Variants in PTPRN2 observed in about 807,000 individuals in gnomAD.
The protein encoded by PTPRN2 is protein tyrosine phosphatase receptor type N2.
A neutral mutation model predicts 118.8 loss-of-function variants in PTPRN2; 74 were observed. That is an observed-to-expected ratio of 0.62 (90% confidence interval 0.52 to 0.76). The LOEUF is 0.76. Among genes scored for constraint, PTPRN2 ranks in the 30% least tolerant of loss-of-function variants. The pLI is 0.00. For synonymous variants in PTPRN2, 641 were observed against 608.0 expected (o/e 1.05, Z -0.80); for missense variants, 1,481 against 1,394.4 (o/e 1.06, Z -0.99).
chr7:157,830,359 A>T (rs1239402093), intron 12 of PTPRN2, among the ~76,000 whole-genome samples: 1 of 152,224 alleles, frequency 6.6e-6, no homozygotes, highest in Non-Finnish European at 1.5e-5. Flanking sequence ...CAAATCAACG[A>T]TGAATTACCA....
In PTPRN2 at chr7:157,929,487, C is replaced by G. The variant is rs1799238108; in HGVS notation, c.1724-30750G>C. Among the ~76,000 whole-genome samples, 1 of 152,104 alleles carries G rather than the reference C, an allele frequency of 6.6e-6. No individual in the cohort carries two copies. Among genetic ancestry groups the G allele is most frequent in the Non-Finnish European group, 1.5e-5 (1 of 68,006 alleles). On this transcript the variant is annotated intron_variant, in intron 11 of 22. Transcript: ENST00000389418. This position sits in a 1 kb window ranked among gnomAD's most constrained non-coding sequence, Gnocchi z 4.4. Reference sequence around the variant, plus strand: ...CCATGCTTAAGCTCAGACGCCCACCCAGCACAGCCTCCGCCGCAGCCTGGC... The same window carrying G: ...CCATGCTTAAGCTCAGACGCCCACCGAGCACAGCCTCCGCCGCAGCCTGGC...
At chr7:158,316,188 A>G (rs1397590875) in intron 3 of PTPRN2, among the ~76,000 whole-genome samples, 2 of 152,094 alleles carry the variant, frequency 1.3e-5, no homozygotes, top group Admixed American at 6.5e-5. Flanking sequence ...CTTACTCCAG[A>G]TGTGGATTTC....
intron 3 of PTPRN2, among the ~76,000 whole-genome samples, chr7:158,223,152 T>C (rs1341797168): frequency 1.3e-5 from 2 of 152,198 alleles, no homozygotes; most frequent in South Asian, 2.1e-4. Flanking sequence ...TGAATACTTC[T>C]ACACTATTAA....
At chr7:158,469,877 A>G (rs781081633) in intron 2 of PTPRN2, among the ~76,000 whole-genome samples, 1 of 151,428 alleles carries the variant, frequency 6.6e-6, no homozygotes, top group South Asian at 2.1e-4. Context: ...GTCCTAGTGC[A>G]TCATAAAAGA....
chr7:158,342,609 A>T (rs918971197), intron 2 of PTPRN2, among the ~76,000 whole-genome samples: 6 of 152,156 alleles, frequency 3.9e-5, no homozygotes, highest in Non-Finnish European at 8.8e-5. Flanking sequence ...TCACCATAAG[A>T]GCTGACATCT....
At chr7:158,181,105 G>A (rs1824666258) in intron 5 of PTPRN2, among the ~76,000 whole-genome samples, 1 of 152,104 alleles carries the variant, frequency 6.6e-6, no homozygotes, top group Non-Finnish European at 1.5e-5. Flanking sequence ...TTATTTTGAG[G>A]TAAGTCCCTT....
chr7:158,007,725 A>G (rs1324443349), intron 11 of PTPRN2, among the ~76,000 whole-genome samples: 2 of 151,970 alleles, frequency 1.3e-5, no homozygotes, highest in African/African-American at 2.4e-5. Flanking sequence ...GGGTGTGTGC[A>G]TTGCATGTGT....
chr7:157,546,266 G>T (rs1041811954), intron 22 of PTPRN2, among the ~76,000 whole-genome samples: 2 of 152,152 alleles, frequency 1.3e-5, no homozygotes, highest in African/African-American at 4.8e-5. Flanking sequence ...TTATCATCTT[G>T]CTATTTATTT....
At chr7:158,051,438 C>G (rs73745099) in intron 11 of PTPRN2, among the ~76,000 whole-genome samples, 4,076 of 152,322 alleles carry the variant, frequency 0.027, 189 homozygotes, top group African/African-American at 0.093. Flanking sequence ...CCAAGTCTGT[C>G]TGCCAGCAGC....
chr7:158,339,828 C>T (rs1430583256), intron 2 of PTPRN2, among the ~76,000 whole-genome samples: 1 of 99,476 alleles, frequency 1.0e-5, no homozygotes, highest in Non-Finnish European at 2.1e-5. Flanking sequence ...CTCACACCCA[C>T]ACTCTCACCA....
At position 157,598,324 on chromosome 7, in the gene PTPRN2, C is replaced by A. The variant is rs1406179690; in HGVS notation, c.2419-3009G>T. ...TTTATTTGTATGACTGTTATGTTCC[C>A]GACACAAACTGCCCGGCTGTGGGAA... is the stretch of plus-strand genomic sequence containing the variant. On this transcript the variant is annotated intron_variant, in intron 16 of 22. Transcript: ENST00000389418. The surrounding 1 kb of genome is among the most constrained non-coding windows in gnomAD (Gnocchi z 5.2). Among the ~76,000 whole-genome samples the A allele has an allele frequency of 6.6e-6, 1 of 152,174 alleles. No individual in the cohort carries two copies. Among genetic ancestry groups the A allele is most frequent in the Non-Finnish European group, 1.5e-5 (1 of 68,044 alleles).
At position 157,560,834 on chromosome 7, in the gene PTPRN2, T is replaced by A. The variant is rs1017320592; in HGVS notation, c.2902+8068A>T. Among the ~76,000 whole-genome samples the A allele has an allele frequency of 4.1e-4, 62 of 152,158 alleles. No individual in the cohort carries two copies. The highest frequency in any genetic ancestry group is 4.1e-3 in the Admixed American group (62 of 15,288). ...AGGTCCCTTTCCCACTGGCCCTTCG[T>A]GTTTTCATGTTTCAGCCAAACATAA... On this transcript the variant is annotated intron_variant, in intron 21 of 22. Transcript: ENST00000389418. The surrounding 1 kb of genome is among the most constrained non-coding windows in gnomAD (Gnocchi z 6.7).
At position 158,192,327 on chromosome 7, in the gene PTPRN2, C is replaced by T. The variant is rs761028414; in HGVS notation, c.549G>A (p.Glu183=). Residue 183 remains glutamate (E), a splice_region_variant and synonymous_variant, in exon 5 of 23, where the codon GAG becomes GAA. Transcript: ENST00000389418. The part of the protein sequence containing the change: ...THTAQDRPPA[E]GDDRFSESIL... ...CCCGGGGAGGAAGTGGAAGGGTCACCTCAGCGGGGGGTCTGTCCTGCGCCG... is the reference window on the plus strand; with the variant it reads ...CCCGGGGAGGAAGTGGAAGGGTCACTTCAGCGGGGGGTCTGTCCTGCGCCG... The T allele has an allele frequency of 5.4e-6, 8 of 1,470,226 alleles. No homozygotes were observed. The highest frequency in any genetic ancestry group is 2.9e-5 in the Admixed American group (1 of 34,132). The allele number at this position is 1,470,226 out of a possible 1,614,324, so 91.1% of individuals were successfully genotyped here.
At chr7:158,244,544 GTTTT>G (rs139259232) in intron 3 of PTPRN2, among the ~76,000 whole-genome samples, 2 of 64,542 alleles carry the variant, frequency 3.1e-5, no homozygotes, top group African/African-American at 1.9e-4. Flanking sequence ...GAATGAGCAT[GTTTT>G]TTGTGTGTGT....
rs115250496 is a variant in PTPRN2 at position 158,275,014 on chromosome 7, C to T, written c.277+41805G>A. Among the ~76,000 whole-genome samples the T allele has an allele frequency of 3.2e-3, 489 of 152,326 alleles. 4 individuals are homozygous for T. Among genetic ancestry groups the T allele is most frequent in the African/African-American group, 0.011 (475 of 41,568 alleles). ...TCCTGTCTCCCCCCAAAATAGGGAGCACTTTCTGATTGTGGGGTTCAAAAA... is the reference window on the plus strand; with the variant it reads ...TCCTGTCTCCCCCCAAAATAGGGAGTACTTTCTGATTGTGGGGTTCAAAAA... On this transcript the variant is annotated intron_variant, in intron 3 of 22. Transcript: ENST00000389418.
intron 1 of PTPRN2, among the ~76,000 whole-genome samples, chr7:158,532,416 A>T (rs1825315522): frequency 6.6e-6 from 1 of 152,190 alleles, no homozygotes; most frequent in Non-Finnish European, 1.5e-5. Context: ...GCATCAGAGC[A>T]TTCCAGTCAC....
chr7:158,144,547 G>A (rs1444465007), intron 6 of PTPRN2, among the ~76,000 whole-genome samples: 1 of 152,182 alleles, frequency 6.6e-6, no homozygotes, highest in Non-Finnish European at 1.5e-5. Context: ...ACTAAACCAG[G>A]AGAATTGCTT....
At chr7:157,771,560 C>T (rs1248920266) in intron 12 of PTPRN2, among the ~76,000 whole-genome samples, 1 of 152,202 alleles carries the variant, frequency 6.6e-6, no homozygotes, top group African/African-American at 2.4e-5. Flanking sequence ...ACAGCCCCTG[C>T]CCTCAGGGAG....
At chr7:157,913,314 C>A (rs1798202729) in intron 11 of PTPRN2, among the ~76,000 whole-genome samples, 1 of 152,174 alleles carries the variant, frequency 6.6e-6, no homozygotes, top group East Asian at 1.9e-4. Context: ...CCTGGATCTT[C>A]TTCTGTCTCT....
Sources: allele counts gnomAD v4.1 joint callset (sites outside exome capture counted in the v4.1 genomes callset), GRCh38; gene constraint gnomAD v4.1.1; non-coding constraint Gnocchi (gnomAD v3.1); transcripts MANE v1.5; gene names NCBI Gene and HGNC (gene_info 2026-07-23, HGNC 2026-07-21).